ZNF423: variants seen among roughly 807,000 people sequenced by gnomAD.
ZNF423 encodes the protein Ebf-associated zinc finger protein.
Under a neutral mutation model 95.8 loss-of-function variants are expected in ZNF423, and 12 were observed. The ratio of observed to expected loss-of-function variants is 0.13; its 90% confidence interval spans 0.08 to 0.20. The LOEUF is 0.20. Ranked by LOEUF, ZNF423 falls within the 10% of genes least tolerant of loss-of-function variation. ZNF423 has a pLI of 1.00. For synonymous variants in ZNF423, 749 were observed against 711.9 expected, an observed-to-expected ratio of 1.05 and a Z score of -0.83; for missense variants, 1,316 against 1,737.1, an observed-to-expected ratio of 0.76 and a Z score of 4.31.
rs111987977 is a variant in ZNF423, at chr16:49,666,596, A to G, written c.302-27722T>C. 2.8e-3 allele frequency among the ~76,000 whole-genome samples: 421 copies of G among 152,328 alleles called. 2 individuals carry two copies. Among genetic ancestry groups the G allele is most frequent in the Non-Finnish European group, 2.5e-3 (168 of 68,020 alleles). On this transcript the variant is annotated intron_variant, in intron 3 of 7. Coordinates refer to ENST00000563137, the MANE Select transcript of ZNF423 (RefSeq NM_001379286.1). The stretch of plus-strand genomic sequence containing the variant: ...TGCATGGTTATACTCAATTACATGC[A>G]TGCATGCACAGTTACATTCCCAGAG...
At chr16:49,573,958 T>C (rs1970421960) in intron 5 of ZNF423, among the ~76,000 whole-genome samples, 1 of 152,174 alleles carries the variant, frequency 6.6e-6, no homozygotes, top group Non-Finnish European at 1.5e-5. Context: ...CACGCCTTCA[T>C]CCATACCTCA....
Position 49,823,840 on chromosome 16 carries a change from C to A in ZNF423, c.40+31895G>T, listed in dbSNP as rs2034975172. On this transcript the variant is annotated intron_variant, in intron 1 of 7. Transcript: ENST00000563137. ...AAGGGGCCGGGCACAGTGACTGACA[C>A]CTGTAATCCCATGGGAAGACAGAGG... Among the ~76,000 whole-genome samples the A allele has an allele frequency of 2.0e-5, 3 of 152,100 alleles. No homozygotes were observed. The South Asian group carries it at 6.2e-4, about 32-fold the overall frequency.
At chr16:49,689,639 G>A (rs1263343020) in intron 3 of ZNF423, among the ~76,000 whole-genome samples, 1 of 152,070 alleles carries the variant, frequency 6.6e-6, no homozygotes, top group East Asian at 1.9e-4. Flanking sequence ...CCAGCCAGAG[G>A]CCAAGAGGCC....
At chr16:49,831,094 G>A (rs184868602) in intron 1 of ZNF423, among the ~76,000 whole-genome samples, 21 of 152,146 alleles carry the variant, frequency 1.4e-4, no homozygotes, top group Admixed American at 7.2e-4. Flanking sequence ...ACAACCTCAG[G>A]GTGTGAGGGG....
chr16:49,858,717 GCC>G (rs35734564), upstream of ZNF423, among the ~76,000 whole-genome samples: 7,519 of 132,884 alleles, frequency 0.057, 297 homozygotes, highest in Non-Finnish European at 0.07. The surrounding 1 kb of genome is among the most constrained non-coding windows in gnomAD (Gnocchi z 4.3). Flanking sequence ...GGGAATAGGA[GCC>G]CCCCCCCCCA....
Position 49,823,067 on chromosome 16 carries a change from G to T in ZNF423, c.40+32668C>A, listed in dbSNP as rs546959931. Reference sequence around the variant, plus strand: ...GACTAATGACTCTGGGCAAAGCAGAGAGGCCCGAGTCGGGGACAAGGCCTG... The same window carrying T: ...GACTAATGACTCTGGGCAAAGCAGATAGGCCCGAGTCGGGGACAAGGCCTG... On this transcript the variant is annotated intron_variant, in intron 1 of 7. Coordinates refer to ENST00000563137, the MANE Select transcript of ZNF423 (RefSeq NM_001379286.1). Among the ~76,000 whole-genome samples the T allele has an allele frequency of 5.9e-5, 9 of 152,316 alleles. No individual in the cohort carries two copies. The East Asian group carries it at 1.7e-3, about 29-fold the overall frequency.
At chr16:49,700,667 T>C (rs1326075038) in intron 3 of ZNF423, among the ~76,000 whole-genome samples, 1 of 152,186 alleles carries the variant, frequency 6.6e-6, no homozygotes, top group African/African-American at 2.4e-5. Flanking sequence ...CTTGAATCAA[T>C]GATGCAATTG....
At chr16:49,642,150 T>C (rs568573479) in intron 3 of ZNF423, among the ~76,000 whole-genome samples, 2 of 152,340 alleles carry the variant, frequency 1.3e-5, no homozygotes, top group South Asian at 2.1e-4. Context: ...AGTATGTCTA[T>C]TATCGCAATT....
At chr16:49,787,168 C>T (rs1382022530) in intron 2 of ZNF423, among the ~76,000 whole-genome samples, 2 of 152,198 alleles carry the variant, frequency 1.3e-5, no homozygotes, top group Non-Finnish European at 2.9e-5. Context: ...CTTCCGCCTG[C>T]CACCCAGGCT....
At chr16:49,575,470 G>A (rs1402921263) in intron 5 of ZNF423, among the ~76,000 whole-genome samples, 1 of 152,072 alleles carries the variant, frequency 6.6e-6, no homozygotes, top group East Asian at 1.9e-4. Context: ...CATCACATCC[G>A]GCCAGCATTC....
rs1567356349 is a variant in ZNF423, at chr16:49,815,898, ATATATATATATATATATTTTTTTT to A, written c.41-26376_41-26353del. Among the ~76,000 whole-genome samples, 35 of 47,754 alleles carry A rather than the reference ATATATATATATATATATTTTTTTT, an allele frequency of 7.3e-4. 1 individual carries two copies. The highest frequency in any genetic ancestry group is 3.0e-3 in the African/African-American group (32 of 10,626). The allele number at this position is 47,754 out of a possible 152,430, so 31.3% of individuals were successfully genotyped here. Reference sequence around the variant, plus strand: ...AAAAAAAAAATATATATATATATATATATATATATATATATATTTTTTTTTTTTTTTTTTTTTTGAGACAAAGTC... The same window carrying A: ...AAAAAAAAAATATATATATATATATATTTTTTTTTTTTTTGAGACAAAGTC... On this transcript the variant is annotated intron_variant, in intron 1 of 7. Transcript: ENST00000563137.
At chr16:49,518,151 T>A in intron 7 of ZNF423, 1 of 394,984 alleles carries the variant, frequency 2.5e-6, no homozygotes, top group Non-Finnish European at 5.0e-6. Flanking sequence ...TATATTTATG[T>A]CACTAAGATA....
At chr16:49,620,140 C>CAG (rs1972011343) in intron 5 of ZNF423, among the ~76,000 whole-genome samples, 1 of 151,242 alleles carries the variant, frequency 6.6e-6, no homozygotes, top group Non-Finnish European at 1.5e-5. Context: ...TCTACACACA[C>CAG]ACACACACAC....
rs1467676207 is a variant in ZNF423 at position 49,638,301 on chromosome 16, G to A, written c.875C>T (p.Thr292Ile). The A allele has an allele frequency of 3.7e-6, 6 of 1,613,762 alleles. No homozygotes were observed. In the African/African-American group the frequency reaches 5.3e-5, roughly 14 times the overall value. ...CTTCTCGGACAGCTGCGGGTGGCGG[G>A]TGAGCACGTGCTTCTCCAGCTCCTC... ...QTEELEKHVLTRHPQLSEKAD... is the reference protein window; with the variant it reads ...QTEELEKHVLIRHPQLSEKAD... The change falls in exon 4 of 8, where the codon ACC (threonine) becomes ATC (isoleucine). Residue 292 changes from threonine to isoleucine, a missense_variant. Thr to Ile is a moderately conservative substitution (Grantham distance 89). Transcript: ENST00000563137. The surrounding 1 kb of genome is among the most constrained non-coding windows in gnomAD (Gnocchi z 5.6).
intron 7 of ZNF423, among the ~76,000 whole-genome samples, chr16:49,523,020 C>T (rs867820451): frequency 6.6e-6 from 1 of 152,124 alleles, no homozygotes; most frequent in African/African-American, 2.4e-5. Flanking sequence ...CTGGGAAGAC[C>T]GTCACACCAG....
At chr16:49,674,532 C>A (rs2030962716) in intron 3 of ZNF423, among the ~76,000 whole-genome samples, 1 of 152,198 alleles carries the variant, frequency 6.6e-6, no homozygotes, top group African/African-American at 2.4e-5. Context: ...CCACATCTGA[C>A]CCCAGGCAGT....
chr16:49,796,489 A>C (rs2143867176), intron 1 of ZNF423, among the ~76,000 whole-genome samples: 2 of 152,318 alleles, frequency 1.3e-5, no homozygotes, highest in Admixed American at 1.3e-4. Context: ...GTCTGGAAAA[A>C]GGGCCCAGAA....
intron 3 of ZNF423, among the ~76,000 whole-genome samples, chr16:49,730,114 AC>A (rs2033125683): frequency 6.6e-6 from 1 of 151,952 alleles, no homozygotes; most frequent in African/African-American, 2.4e-5. Context: ...CTGACTCCCC[AC>A]CCCAATCACC....
chr16:49,765,179 C>CTCT (rs1312391560), intron 2 of ZNF423, among the ~76,000 whole-genome samples: 2 of 152,132 alleles, frequency 1.3e-5, no homozygotes, highest in Non-Finnish European at 2.9e-5. Context: ...AATGAGCCTT[C>CTCT]TCTTTTATTA....
Sources: gnomAD v4.1 joint callset for allele counts (sites outside exome capture counted in the v4.1 genomes callset) on GRCh38, gnomAD v4.1.1 for gene constraint, Gnocchi (gnomAD v3.1) non-coding constraint, MANE v1.5 for transcripts, NCBI Gene and HGNC (gene_info 2026-07-23, HGNC 2026-07-21) for gene names.